Variants in GNAL observed in about 807,000 individuals in gnomAD.
GNAL encodes the protein guanine nucleotide-binding protein G(olf) subunit alpha.
Under a neutral mutation model 55.1 loss-of-function variants are expected in GNAL, and 18 were observed. That is an observed-to-expected ratio of 0.33 (90% confidence interval 0.23 to 0.48). The LOEUF is 0.48. Ranked by LOEUF, GNAL falls within the 20% of genes least tolerant of loss-of-function variation. The pLI is 0.99. For missense variants in GNAL, 412 were observed against 614.1 expected, an observed-to-expected ratio of 0.67 and a Z score of 3.48; for synonymous variants, 253 against 237.0, an observed-to-expected ratio of 1.07 and a Z score of -0.62.
At chr18:11,721,816 G>T (rs1389122526) in intron 1 of GNAL, among the ~76,000 whole-genome samples, 5 of 151,816 alleles carry the variant, frequency 3.3e-5, no homozygotes, top group Non-Finnish European at 7.4e-5. Flanking sequence ...AACCCTGGAG[G>T]TGCAGGTTGT....
In GNAL at chr18:11,751,481, G is replaced by A. The variant is rs988619602; in HGVS notation, c.377-1372G>A. 33 of 985,198 alleles carry A rather than the reference G, an allele frequency of 3.3e-5. No homozygotes were observed. The highest frequency in any genetic ancestry group is 3.9e-5 in the Non-Finnish European group (32 of 829,780). The allele number at this position is 985,198 out of a possible 1,614,324, so 61.0% of individuals were successfully genotyped here. A position where few individuals can be genotyped will look rare whatever the true frequency, so the allele number is the denominator to read the frequency against. ...GTGGGCGAGCTGGAATAGTCTAGAA[G>A]CTGAGCAGAACAAAGGCGGTGTGAC... On this transcript the variant is annotated intron_variant, in intron 1 of 11. Coordinates refer to ENST00000334049, the MANE Select transcript of GNAL (RefSeq NM_182978.4). This position sits in a 1 kb window ranked among gnomAD's most constrained non-coding sequence, Gnocchi z 4.5.
intron 1 of GNAL, among the ~76,000 whole-genome samples, chr18:11,692,373 C>A (rs921427506): frequency 3.3e-5 from 5 of 152,076 alleles, no homozygotes; most frequent in East Asian, 1.9e-4. Flanking sequence ...ACAACAACAA[C>A]AAAAAACAGT....
chr18:11,815,997 A>T (rs1206211137), intron 4 of GNAL, among the ~76,000 whole-genome samples: 3 of 152,216 alleles, frequency 2.0e-5, no homozygotes, highest in African/African-American at 7.2e-5. Flanking sequence ...AGGATGTGCA[A>T]TACTAGAACC....
At chr18:11,754,059 C>T (rs1179728779) in intron 4 of GNAL, 114 bp downstream of exon 4, 2 of 796,606 alleles carry the variant, frequency 2.5e-6, no homozygotes, top group Admixed American at 2.3e-5. Flanking sequence ...TCTTCGAAAT[C>T]CAGCTCTCTA....
chr18:11,710,251 T>G (rs2031804386), intron 1 of GNAL, among the ~76,000 whole-genome samples: 1 of 152,248 alleles, frequency 6.6e-6, no homozygotes, highest in East Asian at 1.9e-4. Context: ...TTTCTTTTCT[T>G]GTAGTGCCTT....
chr18:11,716,337 G>A (rs561033795), intron 1 of GNAL, among the ~76,000 whole-genome samples: 6 of 151,612 alleles, frequency 4.0e-5, no homozygotes, highest in Admixed American at 1.3e-4. Context: ...TGGTGGGTTC[G>A]TGGTCTCACT....
intron 4 of GNAL, among the ~76,000 whole-genome samples, chr18:11,786,450 T>A (rs2034062719): frequency 8.4e-6 from 1 of 118,596 alleles, no homozygotes; most frequent in Non-Finnish European, 1.8e-5. Flanking sequence ...TTTTTTTTTT[T>A]TTTTTTTTTT....
At chr18:11,737,162 A>G (rs1306863085) in intron 1 of GNAL, among the ~76,000 whole-genome samples, 1 of 152,224 alleles carries the variant, frequency 6.6e-6, no homozygotes, top group East Asian at 1.9e-4. Flanking sequence ...CAAGCATCCA[A>G]TGTGTAACAA....
chr18:11,837,822 T>C (rs1274918058), intron 5 of GNAL, among the ~76,000 whole-genome samples: 4 of 152,188 alleles, frequency 2.6e-5, no homozygotes, highest in Non-Finnish European at 5.9e-5. Context: ...CAAATACTCA[T>C]AGCAGCATTA....
At chr18:11,698,724 G>A (rs1456993130) in intron 1 of GNAL, among the ~76,000 whole-genome samples, 2 of 151,982 alleles carry the variant, frequency 1.3e-5, no homozygotes, top group African/African-American at 2.4e-5. Flanking sequence ...TGGAATGGTG[G>A]GTGCTCCTGG....
In GNAL at chr18:11,863,115, G is replaced by A. The variant is rs943293544; in HGVS notation, c.777+666G>A. The stretch of plus-strand genomic sequence containing the variant: ...ACTGGTCTCAAACTCCTGACCTCAA[G>A]TGATACACCTGCCTTGGCCTCCCAA... On this transcript the variant is annotated intron_variant, in intron 6 of 11. Transcript: ENST00000334049. 4.6e-5 allele frequency among the ~76,000 whole-genome samples: 7 copies of A among 152,156 alleles called. No individual in the cohort carries two copies. The East Asian group carries it at 1.2e-3, about 25-fold the overall frequency.
Position 11,883,054 on chromosome 18 carries a change from CTTCT to C in GNAL, c.*1922_*1925del, listed in dbSNP as rs745347055. 3.3e-5 allele frequency: 5 copies of C among 152,168 alleles called. No homozygotes were observed. The highest frequency in any genetic ancestry group is 4.8e-5 in the African/African-American group (2 of 41,454). The allele number at this position is 152,168 out of a possible 1,614,324, so 9.4% of individuals were successfully genotyped here. A position where few individuals can be genotyped will look rare whatever the true frequency, so the allele number is the denominator to read the frequency against. On this transcript the variant is annotated 3_prime_UTR_variant, in exon 12 of 12. Transcript: ENST00000334049. ...CAGCCTACATTACTTCATTATTACT[CTTCT>C]TTTAGTCTTTAGTCTTTAATATTTT...
intron 5 of GNAL, among the ~76,000 whole-genome samples, chr18:11,836,315 G>A (rs548563157): frequency 5.3e-5 from 8 of 151,902 alleles, no homozygotes; most frequent in South Asian, 2.1e-4. Context: ...GCATGGTGGC[G>A]CATGTCTGTA....
intron 1 of GNAL, among the ~76,000 whole-genome samples, chr18:11,713,701 A>G (rs1208794098): frequency 6.6e-6 from 1 of 152,220 alleles, no homozygotes; most frequent in Non-Finnish European, 1.5e-5. Context: ...AACCTCTGCT[A>G]TACAAGGAAA....
At chr18:11,846,462 T>C (rs149821203) in intron 5 of GNAL, among the ~76,000 whole-genome samples, 5 of 20,194 alleles carry the variant, frequency 2.5e-4, no homozygotes, top group Admixed American at 1.1e-3. Flanking sequence ...TATATATAAA[T>C]ATACACACAC....
chr18:11,765,361 A>G (rs188297886), intron 4 of GNAL, among the ~76,000 whole-genome samples: 2 of 152,256 alleles, frequency 1.3e-5, no homozygotes, highest in East Asian at 1.9e-4. Context: ...AAGTTATCAA[A>G]TTAGAGTAAT....
rs537934359 is a variant in GNAL, at chr18:11,744,551, A to C, written c.377-8302A>C. ...AGATAAAACAACAGGAAGTTGTTTA[A>C]AATGTCCCGAAGGGACCCCCATCTG... On this transcript the variant is annotated intron_variant, in intron 1 of 11. Transcript: ENST00000334049. Among the ~76,000 whole-genome samples, 19 of 152,342 alleles carry C rather than the reference A, an allele frequency of 1.2e-4. No individual in the cohort carries two copies. In the East Asian group the frequency reaches 3.7e-3, roughly 29 times the overall value.
chr18:11,750,777 A>G (rs2032799289), intron 1 of GNAL, among the ~76,000 whole-genome samples: 1 of 152,112 alleles, frequency 6.6e-6, no homozygotes. Flanking sequence ...TGCGGTGGGC[A>G]GGAGGAAAAC....
intron 4 of GNAL, among the ~76,000 whole-genome samples, chr18:11,822,664 C>T (rs1324291879): frequency 1.3e-5 from 2 of 152,190 alleles, no homozygotes; most frequent in African/African-American, 2.4e-5. Flanking sequence ...TCACTGACCT[C>T]TAGCCACATG....
Sources: allele counts gnomAD v4.1 joint callset (sites outside exome capture counted in the v4.1 genomes callset), GRCh38; gene constraint gnomAD v4.1.1; non-coding constraint Gnocchi (gnomAD v3.1); transcripts MANE v1.5; gene names NCBI Gene and HGNC (gene_info 2026-07-23, HGNC 2026-07-21).